Variants in MSRA observed in about 807,000 individuals in gnomAD.
MSRA encodes mitochondrial peptide methionine sulfoxide reductase.
MSRA carries 54 observed loss-of-function variants against 31.3 expected under a neutral mutation model. The ratio of observed to expected loss-of-function variants is 1.73; its 90% CI spans 1.39 to 2.17. The LOEUF (loss-of-function observed/expected upper bound fraction) is 2.17. Among genes scored for constraint, MSRA ranks in the 30% most tolerant of loss-of-function variants. The pLI is 0.00. For synonymous variants in MSRA, 169 were observed against 116.5 expected, an observed-to-expected ratio of 1.45 and a Z score of -2.90; for missense variants, 507 against 300.9, an observed-to-expected ratio of 1.69 and a Z score of -5.07.
chr8:10,391,880 A>G (rs544526136), intron 5 of MSRA, among the ~76,000 whole-genome samples: 99 of 152,330 alleles, frequency 6.5e-4, no homozygotes, highest in African/African-American at 2.2e-3. Context: ...ACGTTTCTTC[A>G]TGGTGCTGAT....
chr8:10,385,788 T>A (rs1010266631), intron 5 of MSRA, among the ~76,000 whole-genome samples: 6 of 142,820 alleles, frequency 4.2e-5, no homozygotes, highest in African/African-American at 1.5e-4. Flanking sequence ...GAACTGTGGA[T>A]GTTGTCACTC....
intron 1 of MSRA, among the ~76,000 whole-genome samples, chr8:10,147,189 G>C (rs1205587725): frequency 6.6e-6 from 1 of 152,198 alleles, no homozygotes; most frequent in Non-Finnish European, 1.5e-5. Context: ...TCAGGTTTGA[G>C]CCAGAGTAGA....
chr8:10,095,920 A>G, intron 1 of MSRA: 1 of 1,337,352 alleles, frequency 7.5e-7, no homozygotes, highest in East Asian at 2.7e-5. Flanking sequence ...ATTAATATAG[A>G]AGATGGCAAG....
intron 1 of MSRA, among the ~76,000 whole-genome samples, chr8:10,126,471 G>T (rs1051344352): frequency 1.3e-5 from 2 of 152,050 alleles, no homozygotes; most frequent in African/African-American, 4.8e-5. Context: ...TCAGGATGCG[G>T]CTGTTCCACT....
At position 10,121,482 on chromosome 8, in the gene MSRA, G is replaced by C. The variant is rs541639534; in HGVS notation, c.142+66824G>C. 1.1e-4 allele frequency among the ~76,000 whole-genome samples: 17 copies of C among 152,346 alleles called. No individual in the cohort carries two copies. In the South Asian group the frequency reaches 2.7e-3, roughly 24 times the overall value. ...GTTGCTTAGAGCGATCCAGGATGGG[G>C]ATTTTGTGGGGGCAGGTGTGGCAGG... On this transcript the variant is annotated intron_variant, in intron 1 of 5. Transcript: ENST00000317173.
At chr8:10,341,517 A>T (rs1563371168) in intron 5 of MSRA, among the ~76,000 whole-genome samples, 1 of 152,210 alleles carries the variant, frequency 6.6e-6, no homozygotes, top group African/African-American at 2.4e-5. Flanking sequence ...ATGACATTTC[A>T]ACATGAGATT....
intron 5 of MSRA, among the ~76,000 whole-genome samples, chr8:10,417,650 AT>A (rs141023088): frequency 0.045 from 6,646 of 148,440 alleles, 350 homozygotes; most frequent in African/African-American, 0.13. Flanking sequence ...GTCATTTCAC[AT>A]TTTTTTTTTA....
chr8:10,089,138 CCACACA>C (rs10566550), intron 1 of MSRA, among the ~76,000 whole-genome samples: 8 of 150,102 alleles, frequency 5.3e-5, no homozygotes, highest in Admixed American at 1.3e-4. Context: ...TGCTTTTGTC[CCACACA>C]CACACACACA....
At chr8:10,318,739 A>G (rs1471172900) in intron 4 of MSRA, among the ~76,000 whole-genome samples, 2 of 152,134 alleles carry the variant, frequency 1.3e-5, no homozygotes, top group Non-Finnish European at 2.9e-5. Flanking sequence ...TCTTTCTTCT[A>G]GGTTTTCAGT....
At chr8:10,256,524 A>T (rs1798189424) in intron 3 of MSRA, among the ~76,000 whole-genome samples, 1 of 152,224 alleles carries the variant, frequency 6.6e-6, no homozygotes, top group African/African-American at 2.4e-5. Flanking sequence ...AAGTTCTACC[A>T]GAGAGGATTT....
At chr8:10,176,305 A>C (rs1056227042) in intron 1 of MSRA, among the ~76,000 whole-genome samples, 1 of 152,156 alleles carries the variant, frequency 6.6e-6, no homozygotes, top group Non-Finnish European at 1.5e-5. Context: ...TCTCAAATCA[A>C]GCCTCCTCAG....
At chr8:10,412,117 C>T (rs1340234753) in intron 5 of MSRA, among the ~76,000 whole-genome samples, 1 of 152,172 alleles carries the variant, frequency 6.6e-6, no homozygotes, top group Admixed American at 6.5e-5. Context: ...TTTTTTTCGC[C>T]ATTCATAAAG....
At chr8:10,407,140 G>A (rs1807868277) in intron 5 of MSRA, among the ~76,000 whole-genome samples, 1 of 152,250 alleles carries the variant, frequency 6.6e-6, no homozygotes, top group Admixed American at 6.5e-5. Context: ...GCCTTCTAAA[G>A]TGCTGGGAGT....
At position 10,105,416 on chromosome 8, in the gene MSRA, C is replaced by T. The variant is rs556777176; in HGVS notation, c.142+50758C>T. On this transcript the variant is annotated intron_variant, in intron 1 of 5. Transcript: ENST00000317173. ...TTAACATCTAGAGGAAAAAGTTTCTCATTTTCCATGTAAACTTTTGGTCAA... is the reference window on the plus strand; with the variant it reads ...TTAACATCTAGAGGAAAAAGTTTCTTATTTTCCATGTAAACTTTTGGTCAA... Among the ~76,000 whole-genome samples the T allele has an allele frequency of 2.0e-4, 30 of 152,298 alleles. 1 individual carries two copies. The highest frequency in any genetic ancestry group is 1.7e-3 in the Admixed American group (26 of 15,296).
At chr8:10,157,004 C>G (rs936293505) in intron 1 of MSRA, among the ~76,000 whole-genome samples, 7 of 151,438 alleles carry the variant, frequency 4.6e-5, no homozygotes, top group African/African-American at 7.3e-5. Context: ...CTTCATCATC[C>G]CCACATTACC....
chr8:10,058,825 T>G (rs1221034093), intron 1 of MSRA: 1 of 152,248 alleles, frequency 6.6e-6, no homozygotes, highest in Non-Finnish European at 1.5e-5. Flanking sequence ...TTTTTTGTAT[T>G]AAGGAAACTT....
intron 1 of MSRA, among the ~76,000 whole-genome samples, chr8:10,122,132 C>T (rs769336828): frequency 6.6e-6 from 1 of 152,048 alleles, no homozygotes; most frequent in African/African-American, 2.4e-5. Context: ...TGCAGAGCTA[C>T]CCAGCATGCT....
intron 2 of MSRA, among the ~76,000 whole-genome samples, chr8:10,235,687 C>A (rs1285761696): frequency 2.0e-5 from 3 of 152,082 alleles, no homozygotes; most frequent in Non-Finnish European, 4.4e-5. Flanking sequence ...TGATTCTCTT[C>A]CTTCTCTCCA....
At chr8:10,271,755 G>A (rs1318074992) in intron 3 of MSRA, among the ~76,000 whole-genome samples, 2 of 127,924 alleles carry the variant, frequency 1.6e-5, no homozygotes, top group African/African-American at 3.0e-5. Context: ...TTTTGCTCTT[G>A]TCGCCCAGGC....
Sources: gnomAD v4.1 joint callset for allele counts (sites outside exome capture counted in the v4.1 genomes callset) on GRCh38, gnomAD v4.1.1 for gene constraint, MANE v1.5 for transcripts, NCBI Gene and HGNC (gene_info 2026-07-23, HGNC 2026-07-21) for gene names.